Variants in MAGI1 observed in about 807,000 individuals in gnomAD.
MAGI1 encodes membrane-associated guanylate kinase, WW and PDZ domain-containing protein 1.
A neutral mutation model predicts 139.9 loss-of-function variants in MAGI1; 58 were observed. That is an observed-to-expected ratio of 0.41 (90% CI 0.34 to 0.52). The LOEUF (loss-of-function observed/expected upper bound fraction) is 0.52. MAGI1 is among the 20% of genes least tolerant of loss of function. The probability of loss-of-function intolerance (pLI) is 0.12; values close to 1 mark genes in which losing one functional copy is unlikely to be tolerated. For missense variants in MAGI1, 1,874 were observed against 1,901.6 expected, an observed-to-expected ratio of 0.99 and a Z score of 0.27; for synonymous variants, 812 against 737.9, an observed-to-expected ratio of 1.10 and a Z score of -1.63.
chr3:65,774,006 T>A (rs2038172774), intron 1 of MAGI1, among the ~76,000 whole-genome samples: 1 of 151,898 alleles, frequency 6.6e-6, no homozygotes, highest in East Asian at 1.9e-4. Context: ...ACAGGTTTAT[T>A]ACAGAAATTA....
At chr3:65,593,206 T>C (rs1424142203) in intron 2 of MAGI1, among the ~76,000 whole-genome samples, 1 of 152,136 alleles carries the variant, frequency 6.6e-6, no homozygotes, top group East Asian at 1.9e-4. Context: ...TCTATAATCA[T>C]GTATTTTTAA....
intron 1 of MAGI1, among the ~76,000 whole-genome samples, chr3:66,027,265 C>CAAAA (rs761343259): frequency 0.25 from 17,327 of 69,590 alleles, 1,412 homozygotes; most frequent in Middle Eastern, 0.32. Context: ...GACTCCGTCT[C>CAAAA]AAATAAATAA....
At chr3:66,008,542 G>A (rs1274385204) in intron 1 of MAGI1, among the ~76,000 whole-genome samples, 3 of 152,110 alleles carry the variant, frequency 2.0e-5, no homozygotes, top group African/African-American at 4.8e-5. Flanking sequence ...AACCACAAAC[G>A]CACATAAAGA....
intron 6 of MAGI1, 178 bp downstream of exon 6, chr3:65,453,080 C>G: frequency 3.3e-6 from 2 of 601,066 alleles, no homozygotes; most frequent in South Asian, 4.2e-5. Flanking sequence ...AAATTCTTCT[C>G]TTGAAACAAC....
chr3:65,986,819 A>G (rs2065905001), intron 1 of MAGI1, among the ~76,000 whole-genome samples: 1 of 151,320 alleles, frequency 6.6e-6, no homozygotes, highest in African/African-American at 2.4e-5. Context: ...TGTAATTTTT[A>G]TCAGCTGTCC....
At chr3:65,922,865 T>G (rs2062282610) in intron 1 of MAGI1, among the ~76,000 whole-genome samples, 1 of 152,236 alleles carries the variant, frequency 6.6e-6, no homozygotes, top group African/African-American at 2.4e-5. Flanking sequence ...TGCTCCTTCC[T>G]ATAGTCTTTA....
chr3:65,690,770 A>AACCTCCCAATGT (rs2088550996), intron 1 of MAGI1, among the ~76,000 whole-genome samples: 1 of 151,476 alleles, frequency 6.6e-6, no homozygotes, highest in African/African-American at 2.4e-5. Context: ...CTGGGATTAC[A>AACCTCCCAATGT]GGCATGAGCC....
intron 17 of MAGI1, among the ~76,000 whole-genome samples, chr3:65,377,844 C>T (rs1418134632): frequency 6.6e-6 from 1 of 152,190 alleles, no homozygotes; most frequent in South Asian, 2.1e-4. Context: ...GAGTCACTGT[C>T]CCCTGTTAAA....
At chr3:65,672,088 G>GA (rs138556519) in intron 1 of MAGI1, among the ~76,000 whole-genome samples, 16 of 151,142 alleles carry the variant, frequency 1.1e-4, no homozygotes, top group Admixed American at 2.6e-4. Flanking sequence ...TTCCTGGGTG[G>GA]AAAAAAAAAT....
chr3:65,429,687 C>G lies in MAGI1; in HGVS notation c.2000G>C (p.Arg667Thr). Residue 667 changes from arginine (R) to threonine (T), a missense_variant, in exon 12 of 23, where the codon AGA (arginine) becomes ACA (threonine). Around this residue, in one of 5 missense-constraint regions of MAGI1, gnomAD observed 482 missense variants for 509.6 expected, o/e 0.95. Coordinates refer to ENST00000402939, the MANE Select transcript of MAGI1 (RefSeq NM_001033057.2). ...TGGGCTGTCAACAATCTGTTTCACT[C>G]TTTGGCCACCCCCACCAGGACTGTC... ...IADSPGGGGQ[R>T]VKQIVDSPRC... 2 of 1,613,914 alleles carry G rather than the reference C, an allele frequency of 1.2e-6. No individual in the cohort carries two copies. The highest frequency in any genetic ancestry group is 1.7e-6 in the Non-Finnish European group (2 of 1,179,932).
intron 1 of MAGI1, among the ~76,000 whole-genome samples, chr3:65,734,952 T>C (rs551736313): frequency 6.6e-6 from 1 of 151,980 alleles, no homozygotes; most frequent in African/African-American, 2.4e-5. Context: ...CCTAAAATTA[T>C]CCTATAGATC....
At chr3:65,958,209 C>A (rs2064232127) in intron 1 of MAGI1, among the ~76,000 whole-genome samples, 1 of 152,140 alleles carries the variant, frequency 6.6e-6, no homozygotes, top group African/African-American at 2.4e-5. Flanking sequence ...ATAAAACCTT[C>A]AAGTCTAAAT....
chr3:65,946,022 C>T (rs2063530725), intron 1 of MAGI1, among the ~76,000 whole-genome samples: 2 of 152,166 alleles, frequency 1.3e-5, no homozygotes, highest in South Asian at 2.1e-4. Flanking sequence ...CCAACATTTT[C>T]CTGCTCTCTA....
At chr3:65,674,500 A>C (rs1371246378) in intron 1 of MAGI1, among the ~76,000 whole-genome samples, 2 of 152,216 alleles carry the variant, frequency 1.3e-5, no homozygotes, top group Non-Finnish European at 2.9e-5. Context: ...ATGCATCACA[A>C]GAACAACCCC....
intron 2 of MAGI1, among the ~76,000 whole-genome samples, chr3:65,578,935 GAGAGAGAGAGAC>G (rs1236215690): frequency 6.7e-6 from 1 of 149,978 alleles, no homozygotes; most frequent in African/African-American, 2.4e-5. Flanking sequence ...GAGAGAGAGA[GAGAGAGAGAGAC>G]AGAGAGAGAG....
intron 5 of MAGI1, among the ~76,000 whole-genome samples, chr3:65,454,121 G>A (rs868740454): frequency 1.1e-4 from 16 of 152,194 alleles, no homozygotes; most frequent in Admixed American, 5.9e-4. Context: ...TTCAGCTTTT[G>A]TGCTTCCCAA....
intron 12 of MAGI1, among the ~76,000 whole-genome samples, chr3:65,428,173 C>T (rs1395240903): frequency 6.6e-6 from 1 of 152,114 alleles, no homozygotes; most frequent in African/African-American, 2.4e-5. Context: ...AATGAGCTCT[C>T]CTGTTGCAAC....
rs151298384 is a variant in MAGI1 at position 65,639,020 on chromosome 3, T to A, written c.314-16932A>T. ...CGCCTTGGCCTCCCCAAGTGCTGGGTTTACAGGCATGAGCCACTGCATGCT... is the reference window on the plus strand; with the variant it reads ...CGCCTTGGCCTCCCCAAGTGCTGGGATTACAGGCATGAGCCACTGCATGCT... On this transcript the variant is annotated intron_variant, in intron 1 of 22. Transcript: ENST00000402939. 7.1e-3 allele frequency among the ~76,000 whole-genome samples: 1,082 copies of A among 152,156 alleles called. 8 individuals carry two copies. The highest frequency in any genetic ancestry group is 0.025 in the African/African-American group (1,048 of 41,516).
chr3:65,528,233 C>G (rs921864668), intron 2 of MAGI1, among the ~76,000 whole-genome samples: 1 of 152,184 alleles, frequency 6.6e-6, no homozygotes, highest in Admixed American at 6.5e-5. Flanking sequence ...TTTCACTCCA[C>G]GTCAACTGTC....
Sources: allele counts gnomAD v4.1 joint callset (sites outside exome capture counted in the v4.1 genomes callset), GRCh38; gene constraint gnomAD v4.1.1; regional missense constraint gnomAD v4.1.1; transcripts MANE v1.5; gene names NCBI Gene and HGNC (gene_info 2026-07-23, HGNC 2026-07-21).